The following GAREM1 variants were observed in gnomAD, a reference collection of about 807,000 sequenced individuals.
GAREM1 encodes GRB2 associated regulator of MAPK1 subtype 1, also known as GRB2-associated and regulator of MAPK protein 1.
Under a neutral mutation model 71.3 loss-of-function variants are expected in GAREM1, and 26 were observed. The observed-to-expected ratio is 0.36, with a 90% CI of 0.27 to 0.51. GAREM1 has a LOEUF of 0.51. GAREM1 is among the 20% of genes least tolerant of loss of function. The pLI is 0.95. For missense variants in GAREM1, 1,026 were observed against 1,103.1 expected (o/e 0.93, Z 0.99); for synonymous variants, 440 against 433.2 (o/e 1.02, Z -0.20).
In GAREM1 at chr18:32,407,376, T is replaced by G. The variant is rs530045165; in HGVS notation, c.122-14341A>C. 2.0e-5 allele frequency among the ~76,000 whole-genome samples: 3 copies of G among 152,272 alleles called. 1 individual carries two copies. The East Asian group carries it at 5.8e-4, about 29-fold the overall frequency. Reference sequence around the variant, plus strand: ...CAGTGGTTCTGAGTGGAGGTTGCAGTGAGCCAAGATCGCACCATTGCACTC... The same window carrying G: ...CAGTGGTTCTGAGTGGAGGTTGCAGGGAGCCAAGATCGCACCATTGCACTC... On this transcript the variant is annotated intron_variant, in intron 1 of 5. Transcript: ENST00000269209.
chr18:32,341,909 G>A (rs1283317475), intron 2 of GAREM1, among the ~76,000 whole-genome samples: 3 of 152,114 alleles, frequency 2.0e-5, no homozygotes, highest in Admixed American at 1.3e-4. Flanking sequence ...ACAACAGGAG[G>A]GAGAGGGTCC....
At chr18:32,332,851 T>C (rs72931875) in intron 2 of GAREM1, among the ~76,000 whole-genome samples, 2,798 of 152,236 alleles carry the variant, frequency 0.018, 47 homozygotes, top group Non-Finnish European at 0.027. Context: ...CAGAAGCCTG[T>C]GTGGACTCTT....
At chr18:32,317,656 G>A (rs1266697690) in intron 2 of GAREM1, among the ~76,000 whole-genome samples, 1 of 149,246 alleles carries the variant, frequency 6.7e-6, no homozygotes, top group East Asian at 2.0e-4. Context: ...ACTGTGTTTT[G>A]CAAGATAAAA....
At position 32,270,232 on chromosome 18, in the gene GAREM1, G is replaced by A. The variant is rs2041437782; in HGVS notation, c.1718C>T (p.Ser573Leu). The A allele has an allele frequency of 1.9e-6, 3 of 1,613,984 alleles. No individual in the cohort carries two copies. The highest frequency in any genetic ancestry group is 1.7e-6 in the Non-Finnish European group (2 of 1,179,970). ...GAAGACTTACATGTTGTGTAGCCCT[G>A]AAGAATAGTAGGACAAGGTGGGGCT... Reference protein sequence around the residue: ...SPSPTLSYYSSGLHNISVTKT... With the variant: ...SPSPTLSYYSLGLHNISVTKT... Residue 573 changes from serine to leucine, a missense_variant, in exon 5 of 6, where the codon TCA becomes TTA. Physicochemically the swap from Ser to Leu is moderately radical, Grantham distance 145. Transcript: ENST00000269209.
chr18:32,422,403 C>A (rs555174697), intron 1 of GAREM1, among the ~76,000 whole-genome samples: 1 of 152,040 alleles, frequency 6.6e-6, no homozygotes, highest in Non-Finnish European at 1.5e-5. Flanking sequence ...CCTGGTACAC[C>A]TCTTCCCCAG....
chr18:32,445,556 T>C (rs534766139), intron 1 of GAREM1, among the ~76,000 whole-genome samples: 1 of 152,246 alleles, frequency 6.6e-6, no homozygotes, highest in Admixed American at 6.5e-5. Context: ...TCAAAACTAT[T>C]GCTATAGTAA....
intron 2 of GAREM1, among the ~76,000 whole-genome samples, chr18:32,360,578 A>G (rs1050766145): frequency 1.3e-5 from 2 of 151,586 alleles, no homozygotes; most frequent in Admixed American, 6.6e-5. Flanking sequence ...GGTGGGGAGC[A>G]TTTTTCCAAA....
chr18:32,273,541 G>A (rs8086611), intron 4 of GAREM1, among the ~76,000 whole-genome samples: 9,832 of 152,152 alleles, frequency 0.065, 648 homozygotes, highest in African/African-American at 0.16. Context: ...ACAATGGTGA[G>A]GAGAGGGCAG....
chr18:32,419,869 C>T (rs529785779), intron 1 of GAREM1, among the ~76,000 whole-genome samples: 1 of 152,086 alleles, frequency 6.6e-6, no homozygotes, highest in East Asian at 1.9e-4. Context: ...TTATACAGTA[C>T]CTTTCAAAAA....
In GAREM1 at chr18:32,335,885, C is replaced by A. The variant is rs181467214; in HGVS notation, c.263-25562G>T. ...GTTCACAAGTGAGGGATGCAAATGG[C>A]AAGCAATGGGTTGGGCTGATGGTGG... On this transcript the variant is annotated intron_variant, in intron 2 of 5. Coordinates refer to ENST00000269209, the MANE Select transcript of GAREM1 (RefSeq NM_001242409.2). 4.5e-3 allele frequency among the ~76,000 whole-genome samples: 690 copies of A among 152,282 alleles called. 6 individuals are homozygous for A. Among genetic ancestry groups the A allele is most frequent in the Middle Eastern group, 0.01 (3 of 294 alleles).
intron 3 of GAREM1, among the ~76,000 whole-genome samples, chr18:32,305,874 C>T (rs2047249952): frequency 6.6e-6 from 1 of 152,156 alleles, no homozygotes; most frequent in Non-Finnish European, 1.5e-5. Context: ...AGGGCACATT[C>T]CATCAACACC....
intron 1 of GAREM1, among the ~76,000 whole-genome samples, chr18:32,417,539 T>TA (rs1344501655): frequency 6.6e-6 from 1 of 152,010 alleles, no homozygotes; most frequent in Non-Finnish European, 1.5e-5. Flanking sequence ...TATTCAGCCA[T>TA]AAAAAAGAAT....
intron 2 of GAREM1, among the ~76,000 whole-genome samples, chr18:32,382,216 G>A (rs2048104078): frequency 6.6e-6 from 1 of 152,144 alleles, no homozygotes; most frequent in East Asian, 1.9e-4. Flanking sequence ...TTTAGTGGTG[G>A]GAAGAGTGAC....
At chr18:32,401,359 A>G in intron 1 of GAREM1, among the ~76,000 whole-genome samples, 2 of 151,208 alleles carry the variant, frequency 1.3e-5, no homozygotes, top group South Asian at 4.2e-4. Flanking sequence ...AATTGAATAT[A>G]AAAAAGAAAT....
chr18:32,425,843 T>A (rs943978197), intron 1 of GAREM1, among the ~76,000 whole-genome samples: 1 of 150,508 alleles, frequency 6.6e-6, no homozygotes, highest in African/African-American at 2.5e-5. Context: ...TCAGCCTTCT[T>A]TTCTTGACAA....
intron 3 of GAREM1, among the ~76,000 whole-genome samples, chr18:32,291,109 C>T (rs2047079149): frequency 6.6e-6 from 1 of 152,042 alleles, no homozygotes; most frequent in Non-Finnish European, 1.5e-5. Context: ...AGGAGGCTGA[C>T]TGAATAAACT....
intron 2 of GAREM1, among the ~76,000 whole-genome samples, chr18:32,359,112 T>C (rs1304055126): frequency 5.9e-5 from 9 of 152,194 alleles, no homozygotes; most frequent in African/African-American, 2.2e-4. Context: ...AGCAAAAAAC[T>C]ATGCTGCCTG....
At chr18:32,285,512 T>A (rs2047004847) in intron 4 of GAREM1, among the ~76,000 whole-genome samples, 1 of 152,212 alleles carries the variant, frequency 6.6e-6, no homozygotes, top group South Asian at 2.1e-4. Flanking sequence ...AGCTTCCAGC[T>A]CGTTGCTCAT....
At chr18:32,282,662 G>A (rs1189273593) in intron 4 of GAREM1, among the ~76,000 whole-genome samples, 4 of 152,084 alleles carry the variant, frequency 2.6e-5, no homozygotes, top group African/African-American at 4.8e-5. Flanking sequence ...TGCCCACCTC[G>A]GCTTCCCAAA....
Sources: allele counts gnomAD v4.1 joint callset (sites outside exome capture counted in the v4.1 genomes callset), GRCh38; gene constraint gnomAD v4.1.1; transcripts MANE v1.5; gene names NCBI Gene and HGNC (gene_info 2026-07-23, HGNC 2026-07-21).